The following UBA6 variants were observed in gnomAD, a reference collection of about 807,000 sequenced individuals.
UBA6 encodes the protein ubiquitin like modifier activating enzyme 6.
UBA6 carries 87 observed loss-of-function variants against 148.3 expected under a neutral mutation model. The observed-to-expected ratio is 0.59, with a 90% CI of 0.49 to 0.70. The LOEUF (loss-of-function observed/expected upper bound fraction) is 0.70. Among genes scored for constraint, UBA6 ranks in the 30% least tolerant of loss-of-function variants. The pLI is 0.00. For missense variants in UBA6, 1,186 were observed against 1,241.2 expected, an observed-to-expected ratio of 0.96 and a Z score of 0.67; for synonymous variants, 376 against 401.0, an observed-to-expected ratio of 0.94 and a Z score of 0.75.
chr4:67,682,061 T>A (rs1730454049), intron 3 of UBA6, 58 bp downstream of exon 3: 1 of 1,303,644 alleles, frequency 7.7e-7, no homozygotes, highest in Non-Finnish European at 1.1e-6. Flanking sequence ...AGTTAAGTTA[T>A]TTAAACTATC....
chr4:67,631,121 G>A (rs535157223), intron 25 of UBA6, among the ~76,000 whole-genome samples: 12 of 152,330 alleles, frequency 7.9e-5, no homozygotes, highest in African/African-American at 2.9e-4. Context: ...AGCTACTTGG[G>A]AAGCTGAGGT....
intron 2 of UBA6, among the ~76,000 whole-genome samples, chr4:67,690,488 C>T (rs1218425923): frequency 6.6e-6 from 1 of 151,872 alleles, no homozygotes; most frequent in Non-Finnish European, 1.5e-5. Flanking sequence ...AGGAAACAGT[C>T]AACAAAATCA....
At chr4:67,685,899 A>C (rs994819891) in intron 2 of UBA6, among the ~76,000 whole-genome samples, 5 of 152,122 alleles carry the variant, frequency 3.3e-5, no homozygotes, top group Non-Finnish European at 7.4e-5. Context: ...GAGCCAAATA[A>C]ATTTCTGTTT....
intron 11 of UBA6, 38 bp from the exon 12 acceptor site, chr4:67,663,253 GTGGT>G (rs779320194): frequency 7.1e-7 from 1 of 1,407,212 alleles, no homozygotes; most frequent in Admixed American, 1.9e-5. Flanking sequence ...CATTTACTGA[GTGGT>G]TGTATGTCCC....
At chr4:67,642,882 A>G (rs776955655) in intron 17 of UBA6, among the ~76,000 whole-genome samples, 5 of 151,946 alleles carry the variant, frequency 3.3e-5, no homozygotes, top group Admixed American at 6.6e-5. Context: ...GGACCTTGCA[A>G]ACGCACTTCT....
At chr4:67,679,664 T>C (rs950793239) in intron 4 of UBA6, among the ~76,000 whole-genome samples, 2 of 152,090 alleles carry the variant, frequency 1.3e-5, no homozygotes, top group African/African-American at 4.8e-5. Flanking sequence ...ATATATAGGA[T>C]AAAGCACGTA....
At position 67,665,181 on chromosome 4, in the gene UBA6, AT is replaced by A. The variant is rs1488121549; in HGVS notation, c.897+7del. 6 of 1,529,942 alleles carry A rather than the reference AT, an allele frequency of 3.9e-6. No homozygotes were observed. The highest frequency in any genetic ancestry group is 1.4e-5 in the African/African-American group (1 of 71,312). The allele number at this position is 1,529,942 out of a possible 1,614,324, so 94.8% of individuals were successfully genotyped here. A position where few individuals can be genotyped will look rare whatever the true frequency, so the allele number is the denominator to read the frequency against. ...AAATGTTTTTTAAGCCGAAAAAAAA[AT>A]ACTTACAAAAAAAACTGTTTTAGGA... On this transcript the variant is annotated splice_region_variant and intron_variant, in intron 10 of 32. Coordinates refer to ENST00000322244, the MANE Select transcript of UBA6 (RefSeq NM_018227.6).
chr4:67,668,756 C>A, intron 8 of UBA6, 82 bp from the exon 9 acceptor site: 1 of 1,341,820 alleles, frequency 7.5e-7, no homozygotes, highest in Non-Finnish European at 1.0e-6. Flanking sequence ...GCAAAAATGA[C>A]AAAGTTACCA....
Position 67,630,526 on chromosome 4 carries a change from A to C in UBA6, c.2268T>G (p.Ser756Arg), listed in dbSNP as rs1236119326. ...KFDLNEPLHL[S>R]FLQNAAKLYA... ...ATAGTTTTGCAGCATTCTGAAGGAA[A>C]CTGAGGTGCCTTTTGAAATTAAAAA... The change falls in exon 26 of 33, where the codon AGT becomes AGG. Residue 756 changes from serine to arginine, a missense_variant. Coordinates refer to ENST00000322244, the MANE Select transcript of UBA6 (RefSeq NM_018227.6). 2 of 1,577,052 alleles carry C rather than the reference A, an allele frequency of 1.3e-6. No homozygotes were observed. The highest frequency in any genetic ancestry group is 2.7e-5 in the African/African-American group (2 of 73,604).
In UBA6 at chr4:67,663,962, A is replaced by G. The variant is rs201563854; in HGVS notation, c.898-15T>C. The G allele has an allele frequency of 6.2e-7, 1 of 1,606,862 alleles. No homozygotes were observed. Among genetic ancestry groups the G allele is most frequent in the East Asian group, 2.2e-5 (1 of 44,742 alleles). ...TCCAGTGATTCCTGATAGGAAGGAA[A>G]AAGTCATTACTTCAGAGTGAGTGAG... On this transcript the variant is annotated splice_polypyrimidine_tract_variant and intron_variant, in intron 10 of 32. Coordinates refer to ENST00000322244, the MANE Select transcript of UBA6 (RefSeq NM_018227.6).
intron 23 of UBA6, 91 bp from the exon 24 acceptor site, chr4:67,631,999 T>C (rs1456343281): frequency 1.2e-5 from 14 of 1,179,330 alleles, no homozygotes; most frequent in Non-Finnish European, 1.5e-5. Flanking sequence ...GTGTAGTAAA[T>C]ATATGCACAT....
At position 67,650,422 on chromosome 4, in the gene UBA6, CT is replaced by C. The variant is rs11291086; in HGVS notation, c.1105-1212del. Among the ~76,000 whole-genome samples, 759 of 152,138 alleles carry C rather than the reference CT, an allele frequency of 5.0e-3. 9 individuals carry two copies. The highest frequency in any genetic ancestry group is 0.017 in the African/African-American group (713 of 41,520). On this transcript the variant is annotated intron_variant, in intron 13 of 32. Transcript: ENST00000322244. ...TAGGTTATGCAACCTCCCAGGATTC[CT>C]TATTTTTTAGTACACAAACATCTAA...
At chr4:67,655,602 C>T (rs1003858348) in intron 13 of UBA6, among the ~76,000 whole-genome samples, 6 of 151,920 alleles carry the variant, frequency 3.9e-5, no homozygotes, top group Admixed American at 6.6e-5. Context: ...GATCTAAAAT[C>T]GACACCTTAA....
chr4:67,687,377 C>T (rs1173124519), intron 2 of UBA6, among the ~76,000 whole-genome samples: 1 of 152,134 alleles, frequency 6.6e-6, no homozygotes, highest in Non-Finnish European at 1.5e-5. Flanking sequence ...CCTATTTACA[C>T]ATGAGAAACT....
rs184245775 is a variant in UBA6, at chr4:67,691,076, C to T, written c.134+5569G>A. ...CAACATGGGTTTCAAACACACAGGT[C>T]CATTTATATGCAGATTTTTTTCAAT... On this transcript the variant is annotated intron_variant, in intron 2 of 32. Transcript: ENST00000322244. 2.9e-4 allele frequency among the ~76,000 whole-genome samples: 44 copies of T among 151,762 alleles called. No individual in the cohort carries two copies. The East Asian group carries it at 7.7e-3, about 27-fold the overall frequency.
Position 67,663,927 on chromosome 4 carries a change from T to TA in UBA6, c.917dup (p.Leu306PhefsTer12). 1 of 1,613,324 alleles carries TA rather than the reference T, an allele frequency of 6.2e-7. No individual in the cohort carries two copies. The highest frequency in any genetic ancestry group is 1.1e-5 in the South Asian group (1 of 90,984). ...CCACAATAAGGCACTTTGGATGTTTTAACTGCCTCTCCAGTGATTCCTGAT... is the reference window on the plus strand; with the variant it reads ...CCACAATAAGGCACTTTGGATGTTTTAAACTGCCTCTCCAGTGATTCCTGAT... On this transcript the variant is annotated frameshift_variant, in exon 11 of 33. Coordinates refer to ENST00000322244, the MANE Select transcript of UBA6 (RefSeq NM_018227.6). LOFTEE classifies it high-confidence loss of function.
At chr4:67,660,063 G>C (rs1199636051) in intron 13 of UBA6, among the ~76,000 whole-genome samples, 2 of 152,118 alleles carry the variant, frequency 1.3e-5, no homozygotes, top group Admixed American at 6.5e-5. Flanking sequence ...GGGTGACTTG[G>C]GTGCTCTTAA....
At chr4:67,659,595 T>C (rs1225239630) in intron 13 of UBA6, among the ~76,000 whole-genome samples, 2 of 11,260 alleles carry the variant, frequency 1.8e-4, no homozygotes, top group Non-Finnish European at 4.3e-4. Flanking sequence ...CTATATAAAA[T>C]ACCCAAAACT....
intron 11 of UBA6, 106 bp downstream of exon 11, chr4:67,663,779 G>A (rs757529565): frequency 1.7e-5 from 16 of 940,980 alleles, no homozygotes; most frequent in African/African-American, 4.9e-5. Flanking sequence ...TATAAGGCCC[G>A]ACAGCCAGAT....
Sources: allele counts gnomAD v4.1 joint callset (sites outside exome capture counted in the v4.1 genomes callset), GRCh38; gene constraint gnomAD v4.1.1; transcripts MANE v1.5; gene names NCBI Gene and HGNC (gene_info 2026-07-23, HGNC 2026-07-21).